The following GPC5 variants were observed in gnomAD, a reference collection of about 807,000 sequenced individuals.
The protein encoded by GPC5 is glypican 5.
In GPC5, 47 loss-of-function variants were observed where a neutral mutation model predicts 53.9. The ratio of observed to expected loss-of-function variants is 0.87; its 90% confidence interval spans 0.69 to 1.11. The LOEUF (loss-of-function observed/expected upper bound fraction) is 1.11, where lower values mean the gene tolerates loss of function less well. Among genes scored for constraint, GPC5 ranks in the 50% most tolerant of loss-of-function variants. The pLI, the probability that GPC5 is intolerant of heterozygous loss-of-function variation, is 0.00. For synonymous variants in GPC5, 286 were observed against 263.3 expected (o/e 1.09, Z -0.84); for missense variants, 748 against 713.1 (o/e 1.05, Z -0.56).
intron 6 of GPC5, among the ~76,000 whole-genome samples, chr13:91,938,145 A>G (rs2039888532): frequency 6.6e-6 from 1 of 152,022 alleles, no homozygotes; most frequent in Non-Finnish European, 1.5e-5. Flanking sequence ...AGATGGGGTA[A>G]TTTATAAAGA....
intron 1 of GPC5, among the ~76,000 whole-genome samples, chr13:91,444,734 C>T (rs77946985): frequency 0.028 from 4,289 of 152,174 alleles, 173 homozygotes; most frequent in East Asian, 0.18. Context: ...TGGAAAGGAG[C>T]CCTGCTGAAC....
chr13:92,665,618 G>C (rs1274403620), intron 7 of GPC5, among the ~76,000 whole-genome samples: 1 of 152,138 alleles, frequency 6.6e-6, no homozygotes, highest in Admixed American at 6.5e-5. Context: ...AAGTTTCACT[G>C]TATTCTGAAC....
At chr13:91,670,575 T>C (rs2035221270) in intron 2 of GPC5, among the ~76,000 whole-genome samples, 1 of 152,190 alleles carries the variant, frequency 6.6e-6, no homozygotes. Context: ...AGAAAATCCA[T>C]GATTTTTCAA....
intron 7 of GPC5, among the ~76,000 whole-genome samples, chr13:92,360,274 C>T (rs2043555183): frequency 6.6e-6 from 1 of 151,518 alleles, no homozygotes; most frequent in Non-Finnish European, 1.5e-5. Flanking sequence ...AAATCGAATC[C>T]ATCATAATCA....
At chr13:92,231,952 C>T (rs1182671278) in intron 7 of GPC5, among the ~76,000 whole-genome samples, 1 of 151,968 alleles carries the variant, frequency 6.6e-6, no homozygotes, top group Admixed American at 6.6e-5. Context: ...GGCAGAAGAG[C>T]GAAACTCCAT....
chr13:91,867,720 G>A (rs2039100093), intron 5 of GPC5, among the ~76,000 whole-genome samples: 1 of 152,016 alleles, frequency 6.6e-6, no homozygotes, highest in Non-Finnish European at 1.5e-5. Context: ...AATTCACGAG[G>A]GATGGATGGT....
At chr13:92,754,274 A>G (rs539039305) in intron 7 of GPC5, among the ~76,000 whole-genome samples, 136 of 152,296 alleles carry the variant, frequency 8.9e-4, no homozygotes, top group South Asian at 8.5e-3. Flanking sequence ...CAGACAAGCA[A>G]ATGCTGAGAG....
At chr13:92,579,260 TCCCTCCCTCCCTCC>T (rs1883289622) in intron 7 of GPC5, among the ~76,000 whole-genome samples, 5 of 10,470 alleles carry the variant, frequency 4.8e-4, no homozygotes, top group Non-Finnish European at 7.2e-4. Context: ...CCTCCCTCCC[TCCCTCCCTCCCTCC>T]CTCTCTCTCT....
rs139125017 is a variant in GPC5 at position 91,641,546 on chromosome 13, A to G, written c.326-51641A>G. 2.2e-3 allele frequency among the ~76,000 whole-genome samples: 340 copies of G among 152,358 alleles called. 1 individual carries two copies. Among genetic ancestry groups the G allele is most frequent in the African/African-American group, 7.7e-3 (321 of 41,586 alleles). ...ACCTACATGATGGGCTGACAGATGCAGCAAATCACCATGGCACACATTTAC... is the reference window on the plus strand; with the variant it reads ...ACCTACATGATGGGCTGACAGATGCGGCAAATCACCATGGCACACATTTAC... On this transcript the variant is annotated intron_variant, in intron 2 of 7. Coordinates refer to ENST00000377067, the MANE Select transcript of GPC5 (RefSeq NM_004466.6).
intron 2 of GPC5, among the ~76,000 whole-genome samples, chr13:91,477,170 A>G (rs1286239490): frequency 6.6e-6 from 1 of 152,156 alleles, no homozygotes; most frequent in Non-Finnish European, 1.5e-5. Flanking sequence ...ATATATATAT[A>G]TCTTTTGTAA....
At chr13:91,998,845 T>G (rs1594714941) in intron 6 of GPC5, among the ~76,000 whole-genome samples, 1 of 152,180 alleles carries the variant, frequency 6.6e-6, no homozygotes, top group African/African-American at 2.4e-5. Flanking sequence ...TGAGAAAACC[T>G]AAACCATCCG....
At chr13:92,704,098 C>G (rs537803950) in intron 7 of GPC5, among the ~76,000 whole-genome samples, 2 of 152,012 alleles carry the variant, frequency 1.3e-5, no homozygotes, top group African/African-American at 2.4e-5. Context: ...AGTCATTTCT[C>G]TCATTGGCGT....
chr13:92,273,300 T>C (rs1330686473), intron 7 of GPC5, among the ~76,000 whole-genome samples: 2 of 152,086 alleles, frequency 1.3e-5, no homozygotes, highest in East Asian at 1.9e-4. Context: ...TTTTACACTA[T>C]CAAAATAGGC....
At chr13:92,013,036 G>C (rs115244611) in intron 6 of GPC5, among the ~76,000 whole-genome samples, 52 of 152,316 alleles carry the variant, frequency 3.4e-4, no homozygotes, top group African/African-American at 1.2e-3. Flanking sequence ...GTCACATGCT[G>C]TCTTAGCTCT....
At chr13:92,090,634 C>A (rs1308317276) in intron 6 of GPC5, among the ~76,000 whole-genome samples, 1 of 152,132 alleles carries the variant, frequency 6.6e-6, no homozygotes, top group Non-Finnish European at 1.5e-5. Context: ...GATTAAGACA[C>A]CTAGGATGGG....
chr13:92,035,322 T>G (rs2040884418), intron 6 of GPC5, among the ~76,000 whole-genome samples: 1 of 152,136 alleles, frequency 6.6e-6, no homozygotes, highest in African/African-American at 2.4e-5. Context: ...CTCCCATTAC[T>G]TCCTCTCCCT....
chr13:91,943,699 T>C (rs2039948791), intron 6 of GPC5, among the ~76,000 whole-genome samples: 1 of 152,206 alleles, frequency 6.6e-6, no homozygotes, highest in South Asian at 2.1e-4. Context: ...GGACGGATTA[T>C]ATTATTTGTC....
intron 2 of GPC5, among the ~76,000 whole-genome samples, chr13:91,574,550 T>A (rs933293993): frequency 3.3e-5 from 5 of 152,038 alleles, no homozygotes; most frequent in African/African-American, 9.7e-5. Context: ...TATGAATTAA[T>A]ATGCAATCAG....
chr13:91,750,420 C>T (rs961193500), intron 4 of GPC5, among the ~76,000 whole-genome samples: 1 of 152,226 alleles, frequency 6.6e-6, no homozygotes, highest in South Asian at 2.1e-4. Flanking sequence ...TTAACATCTC[C>T]CTGCATTTAT....
Sources: allele counts gnomAD v4.1 joint callset (sites outside exome capture counted in the v4.1 genomes callset), GRCh38; gene constraint gnomAD v4.1.1; transcripts MANE v1.5; gene names NCBI Gene and HGNC (gene_info 2026-07-23, HGNC 2026-07-21).